The following CNTNAP2 variants were observed in gnomAD, a reference collection of about 807,000 sequenced individuals.
The protein encoded by CNTNAP2 is contactin associated protein 2.
A neutral mutation model predicts 155.2 loss-of-function variants in CNTNAP2; 98 were observed. The ratio of observed to expected loss-of-function variants is 0.63; its 90% CI spans 0.54 to 0.75. The LOEUF is 0.75. Among genes scored for constraint, CNTNAP2 ranks in the 30% least tolerant of loss-of-function variants. The pLI, the probability that CNTNAP2 is intolerant of heterozygous loss-of-function variation, is 0.00. For synonymous variants in CNTNAP2, 651 were observed against 631.2 expected (o/e 1.03, Z -0.47); for missense variants, 1,727 against 1,688.1 (o/e 1.02, Z -0.40).
intron 1 of CNTNAP2, among the ~76,000 whole-genome samples, chr7:146,303,094 G>A (rs1047778916): frequency 4.6e-5 from 7 of 151,964 alleles, no homozygotes; most frequent in Non-Finnish European, 8.8e-5. Context: ...GTGTGTGTGT[G>A]TGTGTGTGTG....
intron 9 of CNTNAP2, among the ~76,000 whole-genome samples, chr7:147,393,268 T>C (rs1796754133): frequency 1.3e-5 from 2 of 152,110 alleles, no homozygotes; most frequent in African/African-American, 4.8e-5. Context: ...TAAAAGGACT[T>C]AACCACTTCA....
rs56702767 is a variant in CNTNAP2, at chr7:148,253,055, T to TGATAGATAGATAGATAGATAGATA, written c.3382-13958_3382-13957insGATAGATAGATAGATAGATAGATA. ...ATAGATAGATAGATAGATAGACAGA[T>TGATAGATAGATAGATAGATAGATA]GATAGATAGATAGATAGATATTGAT... On this transcript the variant is annotated intron_variant, in intron 20 of 23. Coordinates refer to ENST00000361727, the MANE Select transcript of CNTNAP2 (RefSeq NM_014141.6). 8.6e-3 allele frequency among the ~76,000 whole-genome samples: 1,200 copies of TGATAGATAGATAGATAGATAGATA among 138,750 alleles called. 8 individuals carry two copies. The highest frequency in any genetic ancestry group is 0.028 in the African/African-American group (1,044 of 37,890). The allele number at this position is 138,750 out of a possible 152,430, so 91.0% of individuals were successfully genotyped here. A position where few individuals can be genotyped will look rare whatever the true frequency, so the allele number is the denominator to read the frequency against.
intron 15 of CNTNAP2, among the ~76,000 whole-genome samples, chr7:148,116,733 CT>C (rs1804482448): frequency 6.6e-6 from 1 of 152,080 alleles, no homozygotes; most frequent in South Asian, 2.1e-4. Flanking sequence ...CACAAAGTAA[CT>C]TTTATTTGAA....
chr7:146,394,689 A>T (rs1391085397), intron 1 of CNTNAP2, among the ~76,000 whole-genome samples: 1 of 152,128 alleles, frequency 6.6e-6, no homozygotes, highest in African/African-American at 2.4e-5. Flanking sequence ...AAATGTTCTA[A>T]GTGCTTTATA....
intron 13 of CNTNAP2, among the ~76,000 whole-genome samples, chr7:147,679,435 A>G (rs1298234835): frequency 6.6e-6 from 1 of 151,950 alleles, no homozygotes; most frequent in Non-Finnish European, 1.5e-5. Flanking sequence ...AAAAGTGTCT[A>G]AAGTTTTTTT....
chr7:146,973,614 T>G (rs1797848110), intron 3 of CNTNAP2, among the ~76,000 whole-genome samples: 1 of 152,164 alleles, frequency 6.6e-6, no homozygotes, highest in Non-Finnish European at 1.5e-5. Context: ...ATGAGACATA[T>G]TCCAAAGATC....
intron 3 of CNTNAP2, among the ~76,000 whole-genome samples, chr7:146,933,477 T>C (rs944588430): frequency 2.6e-5 from 4 of 151,076 alleles, no homozygotes; most frequent in Non-Finnish European, 2.9e-5. Context: ...CCTAAAACCA[T>C]AAAAACCCTA....
chr7:147,612,484 T>A (rs2116878984), intron 12 of CNTNAP2, among the ~76,000 whole-genome samples: 1 of 149,140 alleles, frequency 6.7e-6, no homozygotes, highest in African/African-American at 2.5e-5. Context: ...CACCACAACC[T>A]CTGCCTCCCA....
At chr7:146,855,852 T>TATACAC (rs1554401384) in intron 3 of CNTNAP2, among the ~76,000 whole-genome samples, 2 of 100,062 alleles carry the variant, frequency 2.0e-5, no homozygotes, top group African/African-American at 3.5e-5. Flanking sequence ...TATATATATA[T>TATACAC]ACACACTTAC....
At chr7:147,634,129 A>C (rs890320429) in intron 12 of CNTNAP2, among the ~76,000 whole-genome samples, 4 of 152,236 alleles carry the variant, frequency 2.6e-5, no homozygotes, top group Admixed American at 6.5e-5. Flanking sequence ...AAAAGAAGTC[A>C]TTATATGAAA....
intron 15 of CNTNAP2, among the ~76,000 whole-genome samples, chr7:147,984,114 T>G (rs1203215561): frequency 6.6e-6 from 1 of 152,222 alleles, no homozygotes; most frequent in African/African-American, 2.4e-5. Context: ...ATTTGGTATC[T>G]TATTGCTACA....
chr7:147,009,360 A>G (rs1196196250), intron 3 of CNTNAP2, among the ~76,000 whole-genome samples: 2 of 152,156 alleles, frequency 1.3e-5, no homozygotes, highest in Non-Finnish European at 1.5e-5. Context: ...CATGAACAAA[A>G]ATCAAGCCAT....
At chr7:146,596,640 A>AGAGAGAGAGAGAGAT (rs1491206523) in intron 1 of CNTNAP2, among the ~76,000 whole-genome samples, 1 of 127,024 alleles carries the variant, frequency 7.9e-6, no homozygotes, top group Non-Finnish European at 1.7e-5. Flanking sequence ...AGAGAGAGAG[A>AGAGAGAGAGAGAGAT]AATTGTTGAG....
chr7:146,669,071 A>G (rs1253833030), intron 1 of CNTNAP2, among the ~76,000 whole-genome samples: 1 of 152,120 alleles, frequency 6.6e-6, no homozygotes, highest in South Asian at 2.1e-4. Context: ...TACTTTCCTG[A>G]TAATATATTT....
chr7:147,300,097 G>A (rs1236491752), intron 8 of CNTNAP2, 44 bp from the exon 9 acceptor site: 1 of 1,595,340 alleles, frequency 6.3e-7, no homozygotes, highest in Non-Finnish European at 8.6e-7. Context: ...GTGTTCAGCT[G>A]GGTAATTTTA....
intron 3 of CNTNAP2, among the ~76,000 whole-genome samples, chr7:146,931,796 A>G (rs948713824): frequency 2.0e-5 from 3 of 151,540 alleles, no homozygotes; most frequent in African/African-American, 7.3e-5. Context: ...CCATCAGAGA[A>G]TACTACAAAC....
At chr7:147,138,845 ATT>A in intron 8 of CNTNAP2, among the ~76,000 whole-genome samples, 1 of 152,130 alleles carries the variant, frequency 6.6e-6, no homozygotes, top group East Asian at 1.9e-4. Flanking sequence ...GTGTATAATA[ATT>A]TTTTAAAATT....
At chr7:146,162,552 A>G (rs199673964) in intron 1 of CNTNAP2, among the ~76,000 whole-genome samples, 1 of 152,138 alleles carries the variant, frequency 6.6e-6, no homozygotes. Flanking sequence ...CTTTTACACT[A>G]TTGGTGGGAC....
Position 147,879,869 on chromosome 7 carries a change from A to AT in CNTNAP2, c.2099-23691dup, listed in dbSNP as rs144379665. Among the ~76,000 whole-genome samples the AT allele has an allele frequency of 7.8e-3, 1,194 of 152,162 alleles. 18 individuals carry two copies. The highest frequency in any genetic ancestry group is 0.027 in the African/African-American group (1,130 of 41,512). On this transcript the variant is annotated intron_variant, in intron 13 of 23. Coordinates refer to ENST00000361727, the MANE Select transcript of CNTNAP2 (RefSeq NM_014141.6). ...GTGAGTGGAGCTGTTTGAGGGGTGG[A>AT]TTTTTCCCCATTACTACACATAGAT...
Sources: gnomAD v4.1 joint callset for allele counts (sites outside exome capture counted in the v4.1 genomes callset) on GRCh38, gnomAD v4.1.1 for gene constraint, MANE v1.5 for transcripts, NCBI Gene and HGNC (gene_info 2026-07-23, HGNC 2026-07-21) for gene names.